Variants in SUSD4 observed in about 807,000 individuals in gnomAD.
SUSD4 encodes the protein sushi domain containing 4.
A neutral mutation model predicts 50.5 loss-of-function variants in SUSD4; 41 were observed. That is an observed-to-expected ratio of 0.81 (90% CI 0.63 to 1.05). SUSD4 has a LOEUF of 1.05. SUSD4 is among the 50% of genes least tolerant of loss of function. SUSD4 has a pLI of 0.00. For synonymous variants in SUSD4, 257 were observed against 257.3 expected (o/e 1.00, Z 0.01); for missense variants, 580 against 634.7 (o/e 0.91, Z 0.93).
intron 5 of SUSD4, among the ~76,000 whole-genome samples, chr1:223,251,168 G>T (rs984962607): frequency 6.6e-6 from 1 of 152,164 alleles, no homozygotes; most frequent in Non-Finnish European, 1.5e-5. Flanking sequence ...GAATATCCAA[G>T]ACTGGGTAAT....
At chr1:223,285,382 C>G (rs1664071084) in intron 3 of SUSD4, among the ~76,000 whole-genome samples, 1 of 152,098 alleles carries the variant, frequency 6.6e-6, no homozygotes, top group Non-Finnish European at 1.5e-5. Flanking sequence ...TCTCTGAATC[C>G]CTGTCCATCT....
chr1:223,270,987 T>C (rs1179421804), intron 3 of SUSD4, among the ~76,000 whole-genome samples: 2 of 151,900 alleles, frequency 1.3e-5, no homozygotes, highest in African/African-American at 4.8e-5. Context: ...TGACAATTCT[T>C]TGCACACTGC....
At chr1:223,276,820 T>G (rs1221169982) in intron 3 of SUSD4, among the ~76,000 whole-genome samples, 1 of 152,172 alleles carries the variant, frequency 6.6e-6, no homozygotes, top group Non-Finnish European at 1.5e-5. Flanking sequence ...TGCAAATACT[T>G]GCCCTTGTGG....
At chr1:223,350,069 G>A (rs1299122801) in intron 2 of SUSD4, among the ~76,000 whole-genome samples, 2 of 152,210 alleles carry the variant, frequency 1.3e-5, no homozygotes, top group African/African-American at 2.4e-5. Flanking sequence ...GCAGCTGTCT[G>A]CAACCCAGGA....
rs573618154 is a variant in SUSD4, at chr1:223,258,642, C to T, written c.724+5988G>A. ...TGGTTCCTGGGAGAAATGGCAGCCA[C>T]GAGGCTGAAAAAATCTTTTGAAATT... On this transcript the variant is annotated intron_variant, in intron 5 of 8. Coordinates refer to ENST00000366878, the MANE Select transcript of SUSD4 (RefSeq NM_017982.4). 3.9e-5 allele frequency among the ~76,000 whole-genome samples: 6 copies of T among 152,214 alleles called. No individual in the cohort carries two copies. The East Asian group carries it at 9.7e-4, about 25-fold the overall frequency.
At chr1:223,258,835 C>T (rs1330937562) in intron 5 of SUSD4, among the ~76,000 whole-genome samples, 1 of 152,156 alleles carries the variant, frequency 6.6e-6, no homozygotes, top group African/African-American at 2.4e-5. Context: ...AACCCGGCTG[C>T]CTTCTGAAAG....
chr1:223,225,342 C>T (rs1304133273), intron 7 of SUSD4, among the ~76,000 whole-genome samples: 2 of 152,278 alleles, frequency 1.3e-5, no homozygotes, highest in South Asian at 2.1e-4. Context: ...AGGGGAAGCA[C>T]AGGCTGTGCG....
At chr1:223,228,193 C>T (rs915065226) in intron 6 of SUSD4, among the ~76,000 whole-genome samples, 3 of 152,182 alleles carry the variant, frequency 2.0e-5, no homozygotes, top group African/African-American at 7.2e-5. Flanking sequence ...CCCTGTTCCA[C>T]AGCTCTCATG....
In SUSD4 at chr1:223,353,405, G is replaced by A. The variant is rs139021049; in HGVS notation, c.148+9873C>T. Among the ~76,000 whole-genome samples, 404 of 152,256 alleles carry A rather than the reference G, an allele frequency of 2.7e-3. 1 individual carries two copies. Among genetic ancestry groups the A allele is most frequent in the African/African-American group, 8.4e-3 (350 of 41,552 alleles). Reference sequence around the variant, plus strand: ...AATAATAACTCTGTTTTGTATTTACGAAATGCCTCTGACACTGCCTCCTGT... The same window carrying A: ...AATAATAACTCTGTTTTGTATTTACAAAATGCCTCTGACACTGCCTCCTGT... On this transcript the variant is annotated intron_variant, in intron 2 of 8. Transcript: ENST00000366878.
At chr1:223,260,372 A>G (rs1476530435) in intron 5 of SUSD4, among the ~76,000 whole-genome samples, 2 of 152,238 alleles carry the variant, frequency 1.3e-5, no homozygotes, top group African/African-American at 2.4e-5. Context: ...AGTTCTTAGC[A>G]CTTAACAATG....
intron 2 of SUSD4, among the ~76,000 whole-genome samples, chr1:223,339,356 G>A (rs1464825786): frequency 1.3e-5 from 2 of 152,186 alleles, no homozygotes; most frequent in Non-Finnish European, 1.5e-5. Context: ...GCTCAGCTGT[G>A]GAGGGAGGAA....
In SUSD4 at chr1:223,284,055, G is replaced by A. The variant is rs1663954750; in HGVS notation, c.361+8384C>T. On this transcript the variant is annotated intron_variant, in intron 3 of 8. Transcript: ENST00000366878. Reference sequence around the variant, plus strand: ...ATGAGAACACGTGGACACAGGAAGGGAAACATCACACACCAGGGCCTGTTG... The same window carrying A: ...ATGAGAACACGTGGACACAGGAAGGAAAACATCACACACCAGGGCCTGTTG... Among the ~76,000 whole-genome samples the A allele has an allele frequency of 2.1e-5, 3 of 144,950 alleles. No homozygotes were observed. The South Asian group carries it at 6.9e-4, about 33-fold the overall frequency.
At chr1:223,321,308 C>A (rs1369299726) in intron 2 of SUSD4, among the ~76,000 whole-genome samples, 1 of 152,186 alleles carries the variant, frequency 6.6e-6, no homozygotes, top group Non-Finnish European at 1.5e-5. Flanking sequence ...CTGACTCAGT[C>A]CATTTCTAGC....
At chr1:223,246,536 G>T (rs911021114) in intron 5 of SUSD4, among the ~76,000 whole-genome samples, 1 of 151,982 alleles carries the variant, frequency 6.6e-6, no homozygotes, top group African/African-American at 2.4e-5. Flanking sequence ...AGGGTACAAG[G>T]TTGGTAATCC....
At chr1:223,359,374 C>G (rs1181025315) in intron 2 of SUSD4, among the ~76,000 whole-genome samples, 1 of 152,164 alleles carries the variant, frequency 6.6e-6, no homozygotes, top group Admixed American at 6.5e-5. Flanking sequence ...CCTTCCACAC[C>G]TTTGCACAAG....
rs1267376143 is a variant in SUSD4, at chr1:223,221,117, G to A, written c.*1075C>T. 6 of 400,760 alleles carry A rather than the reference G, an allele frequency of 1.5e-5. No homozygotes were observed. In the Admixed American group the frequency reaches 1.8e-4, roughly 12 times the overall value. 24.8% of individuals were successfully genotyped at this position (400,760 alleles called of 1,614,324 possible). A position where few individuals can be genotyped will look rare whatever the true frequency, so the allele number is the denominator to read the frequency against. On this transcript the variant is annotated 3_prime_UTR_variant, in exon 9 of 9. Coordinates refer to ENST00000366878, the MANE Select transcript of SUSD4 (RefSeq NM_017982.4). ...AATGCAGGAATGATAGGCAGGTGAGGTGGCTGAGCTATCTGGGCTGGGAGG... is the reference window on the plus strand; with the variant it reads ...AATGCAGGAATGATAGGCAGGTGAGATGGCTGAGCTATCTGGGCTGGGAGG...
chr1:223,281,106 A>G (rs941444680), intron 3 of SUSD4, among the ~76,000 whole-genome samples: 1 of 152,262 alleles, frequency 6.6e-6, no homozygotes, highest in Non-Finnish European at 1.5e-5. Context: ...AGGGAAATTT[A>G]TAGCACTAAG....
intron 5 of SUSD4, chr1:223,235,191 A>T (rs1466442525): frequency 7.4e-7 from 1 of 1,354,270 alleles, no homozygotes; most frequent in African/African-American, 1.5e-5. Flanking sequence ...TTCTAAAAAA[A>T]ATAAAGACTT....
At chr1:223,345,538 A>G (rs1392784251) in intron 2 of SUSD4, among the ~76,000 whole-genome samples, 2 of 152,130 alleles carry the variant, frequency 1.3e-5, no homozygotes, top group Non-Finnish European at 2.9e-5. Context: ...GATCCCTCAC[A>G]GTCCCTGTGT....
Sources: allele counts gnomAD v4.1 joint callset (sites outside exome capture counted in the v4.1 genomes callset), GRCh38; gene constraint gnomAD v4.1.1; transcripts MANE v1.5; gene names NCBI Gene and HGNC (gene_info 2026-07-23, HGNC 2026-07-21).